GRIN2B: variants seen among roughly 807,000 people sequenced by gnomAD.
GRIN2B encodes glutamate ionotropic receptor NMDA type subunit 2B.
A neutral mutation model predicts 114.5 loss-of-function variants in GRIN2B; 5 were observed. That is an observed-to-expected ratio of 0.04 (90% CI 0.02 to 0.09). The LOEUF (loss-of-function observed/expected upper bound fraction) is 0.09. Ranked by LOEUF, GRIN2B falls within the 10% of genes least tolerant of loss-of-function variation. The probability of loss-of-function intolerance (pLI) is 1.00; values close to 1 mark genes in which losing one functional copy is unlikely to be tolerated. For synonymous variants in GRIN2B, 787 were observed against 745.1 expected (o/e 1.06, Z -0.92); for missense variants, 1,108 against 1,943.5 (o/e 0.57, Z 8.08).
chr12:13,784,226 A>C (rs1864181629), intron 3 of GRIN2B, among the ~76,000 whole-genome samples: 1 of 1,706 alleles, frequency 5.9e-4, no homozygotes. Flanking sequence ...TTCGCCTCAA[A>C]AAAAAAAAAA....
At chr12:13,903,878 A>C (rs1467426316) in intron 2 of GRIN2B, among the ~76,000 whole-genome samples, 1 of 151,984 alleles carries the variant, frequency 6.6e-6, no homozygotes, top group Non-Finnish European at 1.5e-5. Flanking sequence ...GAGATTTGCT[A>C]CTAGGTTCAT....
chr12:13,948,053 A>C (rs931937150), intron 2 of GRIN2B, among the ~76,000 whole-genome samples: 27 of 152,118 alleles, frequency 1.8e-4, no homozygotes, highest in African/African-American at 6.5e-4. Flanking sequence ...CTCACTCAAA[A>C]CCCAACAATG....
chr12:13,906,733 T>C (rs1866541408), intron 2 of GRIN2B, among the ~76,000 whole-genome samples: 1 of 152,208 alleles, frequency 6.6e-6, no homozygotes. Flanking sequence ...CAAACTGCTC[T>C]AGCAATGTCA....
At chr12:13,926,700 C>T (rs1022463773) in intron 2 of GRIN2B, among the ~76,000 whole-genome samples, 7 of 152,104 alleles carry the variant, frequency 4.6e-5, no homozygotes, top group African/African-American at 1.4e-4. Flanking sequence ...ATGCCTGTAA[C>T]CCCAGCACTT....
At chr12:13,608,905 G>C (rs1420185629) in intron 9 of GRIN2B, 73 bp from the exon 10 acceptor site, 1 of 1,057,728 alleles carries the variant, frequency 9.5e-7, no homozygotes, top group Admixed American at 1.7e-5. Flanking sequence ...CAAATACACA[G>C]GGTGAGTCCC....
chr12:13,714,845 A>T (rs1258111337), intron 4 of GRIN2B, among the ~76,000 whole-genome samples: 2 of 151,924 alleles, frequency 1.3e-5, no homozygotes, highest in Non-Finnish European at 2.9e-5. Flanking sequence ...CGCCTGAATA[A>T]CATATGTTGT....
intron 5 of GRIN2B, among the ~76,000 whole-genome samples, chr12:13,655,081 C>A (rs1326194418): frequency 6.6e-6 from 1 of 152,062 alleles, no homozygotes; most frequent in Non-Finnish European, 1.5e-5. Context: ...TGAGTTGGGC[C>A]AGTGTAACAC....
intron 4 of GRIN2B, among the ~76,000 whole-genome samples, chr12:13,687,975 C>A (rs2136553984): frequency 6.6e-6 from 1 of 152,302 alleles, no homozygotes; most frequent in African/African-American, 2.4e-5. Context: ...AAAAACCCAA[C>A]AATGTTACCA....
chr12:13,900,655 T>C (rs1866432549), intron 2 of GRIN2B, among the ~76,000 whole-genome samples: 4 of 152,140 alleles, frequency 2.6e-5, no homozygotes, highest in Non-Finnish European at 5.9e-5. Context: ...AGTACTATAA[T>C]CATATTCTGA....
At chr12:13,766,261 C>A (rs763119536) in intron 3 of GRIN2B, among the ~76,000 whole-genome samples, 2 of 152,196 alleles carry the variant, frequency 1.3e-5, no homozygotes, top group Non-Finnish European at 2.9e-5. Context: ...AAATTATTGA[C>A]GATGTTCCTT....
At chr12:13,835,771 T>TAAAAAAAAAAAAAAAA (rs1165005583) in intron 3 of GRIN2B, among the ~76,000 whole-genome samples, 1 of 91,492 alleles carries the variant, frequency 1.1e-5, no homozygotes, top group Non-Finnish European at 2.1e-5. Flanking sequence ...CATAGCACAT[T>TAAAAAAAAAAAAAAAA]AAAAAAAAAA....
At chr12:13,688,607 T>C (rs1451157213) in intron 4 of GRIN2B, among the ~76,000 whole-genome samples, 1 of 152,186 alleles carries the variant, frequency 6.6e-6, no homozygotes, top group African/African-American at 2.4e-5. Flanking sequence ...GAGGAATTAA[T>C]TCTTAGATCG....
intron 4 of GRIN2B, among the ~76,000 whole-genome samples, chr12:13,737,313 A>G (rs1863203230): frequency 6.6e-6 from 1 of 151,260 alleles, no homozygotes. Context: ...CCAGGTTCAC[A>G]CCATTCTCCT....
intron 2 of GRIN2B, among the ~76,000 whole-genome samples, chr12:13,897,651 G>A (rs765403482): frequency 6.6e-6 from 1 of 152,038 alleles, no homozygotes; most frequent in Non-Finnish European, 1.5e-5. Context: ...GGGATTCCCC[G>A]CTAGAAAATA....
intron 5 of GRIN2B, among the ~76,000 whole-genome samples, chr12:13,633,037 C>A (rs551239240): frequency 6.6e-6 from 1 of 152,322 alleles, no homozygotes; most frequent in Non-Finnish European, 1.5e-5. Flanking sequence ...TGACATTTCA[C>A]TGAGCTGCCC....
At chr12:13,842,917 CTTTTTTTTTTTTT>C (rs201344138) in intron 3 of GRIN2B, among the ~76,000 whole-genome samples, 2 of 103,214 alleles carry the variant, frequency 1.9e-5, no homozygotes, top group East Asian at 2.9e-4. Context: ...ATTGGTTTTT[CTTTTTTTTTTTTT>C]TTTTTTTTTA....
At position 13,909,698 on chromosome 12, in the gene GRIN2B, GAAA is replaced by G. The variant is rs1866599196; in HGVS notation, c.-18-43475_-18-43473del. On this transcript the variant is annotated intron_variant, in intron 2 of 13. Transcript: ENST00000609686. ...AAAGACTCGGGAAGAAAAAGGATAAGAAAGTGCCTTAAGGTGTGAAGGAATATC... is the reference window on the plus strand; with the variant it reads ...AAAGACTCGGGAAGAAAAAGGATAAGGTGCCTTAAGGTGTGAAGGAATATC... 2.0e-5 allele frequency among the ~76,000 whole-genome samples: 3 copies of G among 152,284 alleles called. No individual in the cohort carries two copies. In the South Asian group the frequency reaches 6.2e-4, roughly 32 times the overall value.
intron 10 of GRIN2B, among the ~76,000 whole-genome samples, chr12:13,585,524 C>T (rs1053101568): frequency 2.0e-5 from 3 of 152,180 alleles, no homozygotes; most frequent in African/African-American, 4.8e-5. Flanking sequence ...TGCAGCCTGG[C>T]GATCCCACCA....
intron 10 of GRIN2B, among the ~76,000 whole-genome samples, chr12:13,577,634 C>T (rs1403343796): frequency 6.6e-6 from 1 of 152,204 alleles, no homozygotes; most frequent in Non-Finnish European, 1.5e-5. Context: ...ATGTATTAGG[C>T]ATTGTAAGTC....
Sources: gnomAD v4.1 joint callset for allele counts (sites outside exome capture counted in the v4.1 genomes callset) on GRCh38, gnomAD v4.1.1 for gene constraint, MANE v1.5 for transcripts, NCBI Gene and HGNC (gene_info 2026-07-23, HGNC 2026-07-21) for gene names.